Variants in GMPR observed in about 807,000 individuals in gnomAD.
GMPR encodes the protein GMP reductase 1.
Under a neutral mutation model 38.4 loss-of-function variants are expected in GMPR, and 31 were observed. That is an observed-to-expected ratio of 0.81 (90% confidence interval 0.61 to 1.09). GMPR has a LOEUF of 1.09. Among genes scored for constraint, GMPR ranks in the 50% least tolerant of loss-of-function variants. The probability of loss-of-function intolerance (pLI) is 0.00; values close to 1 mark genes in which losing one functional copy is unlikely to be tolerated. For synonymous variants in GMPR, 162 were observed against 173.3 expected (o/e 0.93, Z 0.51); for missense variants, 468 against 453.7 (o/e 1.03, Z -0.29).
At chr6:16,284,622 C>T (rs1223129765) in intron 6 of GMPR, among the ~76,000 whole-genome samples, 1 of 152,194 alleles carries the variant, frequency 6.6e-6, no homozygotes, top group Non-Finnish European at 1.5e-5. Flanking sequence ...CTGGCTGCTG[C>T]TCCAGCGTAC....
intron 8 of GMPR, among the ~76,000 whole-genome samples, chr6:16,291,305 C>A (rs550751670): frequency 6.6e-6 from 1 of 152,124 alleles, no homozygotes; most frequent in South Asian, 2.1e-4. Context: ...CTCACTGTAA[C>A]CTCTGCCTCC....
In GMPR at chr6:16,290,564, A is replaced by G. The variant is rs757581326; in HGVS notation, c.800A>G (p.Tyr267Cys). The G allele has an allele frequency of 1.2e-6, 2 of 1,614,064 alleles. No individual in the cohort carries two copies. Among genetic ancestry groups the G allele is most frequent in the South Asian group, 1.1e-5 (1 of 91,078 alleles). The part of the protein sequence containing the change: ...ERNGRKLKLF[Y>C]GMSSDTAMNK... ...AACGGACGGAAGCTCAAGCTCTTCT[A>G]CGGGATGAGCTCTGACACCGCCATG... The change falls in exon 8 of 9, where the codon TAC (tyrosine) becomes TGC (cysteine). Residue 267 changes from tyrosine (Y) to cysteine (C), a missense_variant. Transcript: ENST00000259727.
rs146446058 is a variant in GMPR, at chr6:16,288,538, G to A, written c.698-1924G>A. ...CCGCCCGCCATGGCTGAGCTTCCCC[G>A]CCCCCTCCACGGGCTCCTGTGCGGC... On this transcript the variant is annotated intron_variant, in intron 7 of 8. Transcript: ENST00000259727. Among the ~76,000 whole-genome samples the A allele has an allele frequency of 2.2e-4, 34 of 152,300 alleles. No homozygotes were observed. The East Asian group carries it at 5.8e-3, about 26-fold the overall frequency.
At chr6:16,255,533 G>C (rs1373486140) in intron 4 of GMPR, among the ~76,000 whole-genome samples, 2 of 152,200 alleles carry the variant, frequency 1.3e-5, no homozygotes, top group East Asian at 3.9e-4. Flanking sequence ...GTTTTATCTA[G>C]GAGCTTTGTT....
chr6:16,290,830 GGGTT>G (rs1322638151), intron 8 of GMPR, among the ~76,000 whole-genome samples: 2 of 152,222 alleles, frequency 1.3e-5, no homozygotes, highest in African/African-American at 2.4e-5. Context: ...GTTTGGTGAT[GGGTT>G]GGAAGTGTGA....
At chr6:16,266,700 A>G (rs907095764) in intron 4 of GMPR, among the ~76,000 whole-genome samples, 102 of 150,982 alleles carry the variant, frequency 6.8e-4, no homozygotes, top group Middle Eastern at 3.5e-3. Flanking sequence ...AGTCCCAGCT[A>G]CTCGGGAGGC....
At chr6:16,258,568 AC>A (rs1267841059) in intron 4 of GMPR, among the ~76,000 whole-genome samples, 1 of 152,174 alleles carries the variant, frequency 6.6e-6, no homozygotes, top group East Asian at 1.9e-4. Context: ...CCTCTCCAGC[AC>A]CCGCTGGCTG....
chr6:16,247,047 CAAGG>C, intron 2 of GMPR, 86 bp downstream of exon 2: 3 of 1,280,510 alleles, frequency 2.3e-6, no homozygotes, highest in Non-Finnish European at 3.3e-6. Flanking sequence ...TATTCAGACA[CAAGG>C]AAGAGTAGAA....
chr6:16,238,814 A>G, intron 1 of GMPR, 34 bp downstream of exon 1: 2 of 1,268,970 alleles, frequency 1.6e-6, no homozygotes, highest in Non-Finnish European at 2.1e-6. Context: ...GTGGGGTGGG[A>G]TTTTTTTTTC....
intron 7 of GMPR, among the ~76,000 whole-genome samples, chr6:16,286,708 T>G (rs1759688263): frequency 6.6e-6 from 1 of 151,768 alleles, no homozygotes; most frequent in Admixed American, 6.6e-5. Flanking sequence ...ACCAGCAGTT[T>G]GAGACCAGCC....
chr6:16,259,127 AG>A (rs1464862778), intron 4 of GMPR: 1 of 152,036 alleles, frequency 6.6e-6, no homozygotes, highest in African/African-American at 2.4e-5. Context: ...GAAGGGAGAT[AG>A]GGGTGGGGCC....
intron 4 of GMPR, among the ~76,000 whole-genome samples, chr6:16,259,734 A>G (rs183084643): frequency 0.011 from 1,634 of 152,236 alleles, 26 homozygotes; most frequent in African/African-American, 0.037. Flanking sequence ...GGAGAAAAAC[A>G]GGTATTAAAG....
At position 16,250,499 on chromosome 6, in the gene GMPR, C is replaced by A. The variant is rs1280490685; in HGVS notation, c.291+132C>A. ...GTGTTTCTCTAGCCCTGTGCCATTGCCAGGGATTTGCTGAGAAAACTTGTT... is the reference window on the plus strand; with the variant it reads ...GTGTTTCTCTAGCCCTGTGCCATTGACAGGGATTTGCTGAGAAAACTTGTT... On this transcript the variant is annotated intron_variant, in intron 3 of 8. Coordinates refer to ENST00000259727, the MANE Select transcript of GMPR (RefSeq NM_006877.4). 4.5e-6 allele frequency: 3 copies of A among 662,054 alleles called. No individual in the cohort carries two copies. The African/African-American group carries it at 5.4e-5, about 12-fold the overall frequency. The allele number at this position is 662,054 out of a possible 1,614,324, so 41.0% of individuals were successfully genotyped here.
intron 7 of GMPR, chr6:16,290,207 C>T (rs1759810780): frequency 2.3e-6 from 1 of 431,860 alleles, no homozygotes; most frequent in Non-Finnish European, 4.2e-6. Context: ...AGCCATTCAG[C>T]ATGGTCCAGT....
At chr6:16,258,011 C>G (rs898342907) in intron 4 of GMPR, 1 of 152,206 alleles carries the variant, frequency 6.6e-6, no homozygotes, top group African/African-American at 2.4e-5. Context: ...ATCTCACTTT[C>G]CTCACCTGTG....
chr6:16,282,154 G>A (rs1290729861), intron 6 of GMPR, among the ~76,000 whole-genome samples: 1 of 152,214 alleles, frequency 6.6e-6, no homozygotes, highest in Non-Finnish European at 1.5e-5. Flanking sequence ...TTCAAAGGAA[G>A]CCACAACATG....
At chr6:16,286,749 A>G (rs908069790) in intron 7 of GMPR, among the ~76,000 whole-genome samples, 9 of 150,224 alleles carry the variant, frequency 6.0e-5, no homozygotes, top group Admixed American at 1.3e-4. Context: ...CTAAAAATAC[A>G]AAAAAAAATA....
intron 4 of GMPR, among the ~76,000 whole-genome samples, chr6:16,270,125 A>T (rs1759353573): frequency 6.6e-6 from 1 of 152,244 alleles, no homozygotes; most frequent in Non-Finnish European, 1.5e-5. Flanking sequence ...CCAACTTTTT[A>T]AAAAATGGTA....
At chr6:16,262,544 G>A (rs1343798981) in intron 4 of GMPR, 1 of 152,020 alleles carries the variant, frequency 6.6e-6, no homozygotes, top group African/African-American at 2.4e-5. Flanking sequence ...AGATGTGGCT[G>A]GGGTTTGTCT....
Sources: gnomAD v4.1 joint callset for allele counts (sites outside exome capture counted in the v4.1 genomes callset) on GRCh38, gnomAD v4.1.1 for gene constraint, MANE v1.5 for transcripts, NCBI Gene and HGNC (gene_info 2026-07-23, HGNC 2026-07-21) for gene names.